Variants in AP3D1 observed in about 807,000 individuals in gnomAD.
AP3D1 encodes the protein AP-3 complex subunit delta-1.
In AP3D1, 51 loss-of-function variants were observed where a neutral mutation model predicts 147.6. The observed-to-expected ratio is 0.35, with a 90% CI of 0.28 to 0.44. The LOEUF is 0.44. AP3D1 is among the 20% of genes least tolerant of loss of function. The probability of loss-of-function intolerance (pLI) is 1.00; values close to 1 mark genes in which losing one functional copy is unlikely to be tolerated. For missense variants in AP3D1, 1,421 were observed against 1,624.2 expected, an observed-to-expected ratio of 0.87 and a Z score of 2.15; for synonymous variants, 760 against 663.0, an observed-to-expected ratio of 1.15 and a Z score of -2.25.
chr19:2,152,676 G>A (rs1280727777), upstream of AP3D1, among the ~76,000 whole-genome samples: 3 of 151,858 alleles, frequency 2.0e-5, no homozygotes, highest in African/African-American at 7.3e-5. Flanking sequence ...AGGAGTTCGA[G>A]ACTAGCCTGG....
In AP3D1 at chr19:2,113,571, C is replaced by CGATG. The variant is rs1394117823; in HGVS notation, c.2602-162_2602-159dup. Among the ~76,000 whole-genome samples the CGATG allele has an allele frequency of 2.0e-5, 3 of 152,172 alleles. No individual in the cohort carries two copies. In the East Asian group the frequency reaches 5.8e-4, roughly 29 times the overall value. On this transcript the variant is annotated intron_variant, in intron 22 of 31. Transcript: ENST00000643116. Reference sequence around the variant, plus strand: ...AGCCTGGGAATCCAGGAGCTGAAGGCGATGTCCTCAGCCAGCCCTGCTGGC... The same window carrying CGATG: ...AGCCTGGGAATCCAGGAGCTGAAGGCGATGGATGTCCTCAGCCAGCCCTGCTGGC...
At chr19:2,107,682 GTGAGCTGAGACTGCACCAC>G (rs987179266) in intron 31 of AP3D1, among the ~76,000 whole-genome samples, 1 of 151,428 alleles carries the variant, frequency 6.6e-6, no homozygotes, top group Non-Finnish European at 1.5e-5. Context: ...GGAGCTTGCA[GTGAGCTGAGACTGCACCAC>G]TGCACTCCAG....
At chr19:2,143,327 A>G (rs771253452) in intron 1 of AP3D1, among the ~76,000 whole-genome samples, 2 of 127,214 alleles carry the variant, frequency 1.6e-5, no homozygotes, top group East Asian at 2.4e-4. Flanking sequence ...TGCAAGCTCC[A>G]CCTCCTGGGT....
intron 31 of AP3D1, among the ~76,000 whole-genome samples, chr19:2,102,558 C>T (rs148415061): frequency 6.6e-6 from 1 of 151,914 alleles, no homozygotes; most frequent in Admixed American, 6.6e-5. Context: ...GAAACCCCGT[C>T]TCTACTAAAA....
chr19:2,149,405 G>A (rs2019446690), intron 1 of AP3D1, among the ~76,000 whole-genome samples: 2 of 152,062 alleles, frequency 1.3e-5, no homozygotes, highest in Admixed American at 1.3e-4. Context: ...TTAGCTGGGT[G>A]TGGTGGTGCA....
In AP3D1 at chr19:2,101,501, C is replaced by CGGGT. The variant is rs2017951421; in HGVS notation, c.*668_*671dup. On this transcript the variant is annotated 3_prime_UTR_variant, in exon 32 of 32. Transcript: ENST00000643116. ...GATGCACTTCTGCTGACCAGGAAGA[C>CGGGT]GGGTGGCAGAGAGGCCTCAACCCAC... 6.6e-6 allele frequency: 1 copy of CGGGT among 152,276 alleles called. No homozygotes were observed. The highest frequency in any genetic ancestry group is 2.4e-5 in the African/African-American group (1 of 41,444). 9.4% of individuals were successfully genotyped at this position (152,276 alleles called of 1,614,324 possible). A position where few individuals can be genotyped will look rare whatever the true frequency, so the allele number is the denominator to read the frequency against.
chr19:2,149,683 C>A (rs2019454477), intron 1 of AP3D1, among the ~76,000 whole-genome samples: 1 of 152,126 alleles, frequency 6.6e-6, no homozygotes, highest in African/African-American at 2.4e-5. Flanking sequence ...AGGCACATCC[C>A]CCTGAAAACC....
At chr19:2,125,936 CAGG>C (rs2018743345) in intron 9 of AP3D1, among the ~76,000 whole-genome samples, 1 of 151,844 alleles carries the variant, frequency 6.6e-6, no homozygotes, top group South Asian at 2.1e-4. Flanking sequence ...GGCTTGAGCC[CAGG>C]AGTTCAAGAA....
chr19:2,124,915 G>C (rs765187219), intron 9 of AP3D1, among the ~76,000 whole-genome samples: 39 of 152,124 alleles, frequency 2.6e-4, no homozygotes, highest in Non-Finnish European at 5.1e-4. Flanking sequence ...CTCCAGCCTG[G>C]GCAACAAGAG....
At chr19:2,112,673 T>G (rs983861998) in intron 24 of AP3D1, 187 bp downstream of exon 24, 4 of 555,360 alleles carry the variant, frequency 7.2e-6, no homozygotes, top group African/African-American at 1.9e-5. Flanking sequence ...ATGAACCATG[T>G]GTGAATAAGA....
rs1019376205 is a variant in AP3D1 at position 2,116,632 on chromosome 19, C to T, written c.1974G>A (p.Ser658=). 20 of 1,600,776 alleles carry T rather than the reference C, an allele frequency of 1.2e-5. No homozygotes were observed. Among genetic ancestry groups the T allele is most frequent in the African/African-American group, 6.7e-5 (5 of 74,646 alleles). ...EEQRRPKHRP[S]EADEEELARR... is the part of the protein sequence containing the mutation. Reference sequence around the variant, plus strand: ...GAGCCAGCTCTTCCTCGTCCGCCTCCGACGGCCGGTGCTTGGGACGCCGCT... The same window carrying T: ...GAGCCAGCTCTTCCTCGTCCGCCTCTGACGGCCGGTGCTTGGGACGCCGCT... The change falls in exon 17 of 32, where the codon TCG becomes TCA. Residue 658 remains serine (S), a synonymous_variant. Coordinates refer to ENST00000643116, the MANE Select transcript of AP3D1 (RefSeq NM_001261826.3).
chr19:2,109,468 G>T, intron 29 of AP3D1: 1 of 515,952 alleles, frequency 1.9e-6, no homozygotes. Flanking sequence ...CGACAAGGAC[G>T]GATGTCCTGT....
chr19:2,111,616 G>A (rs1246236868), intron 25 of AP3D1, 63 bp downstream of exon 25: 1 of 1,512,214 alleles, frequency 6.6e-7, no homozygotes, highest in East Asian at 2.4e-5. Flanking sequence ...TGCAGGAGTG[G>A]GGAGCAGCGC....
At position 2,116,240 on chromosome 19, in the gene AP3D1, G is replaced by C; in HGVS notation, c.2040C>G (p.Pro680=). The C allele has an allele frequency of 1.9e-6, 3 of 1,614,188 alleles. No individual in the cohort carries two copies. The South Asian group carries it at 3.3e-5, about 18-fold the overall frequency. The change falls in exon 18 of 32, where the codon CCC becomes CCG. Residue 680 remains proline (P), a synonymous_variant. Transcript: ENST00000643116. ...EARKQEQANN[P]FYIKSSPSPQ... is the part of the protein sequence containing the mutation. Reference sequence around the variant, plus strand: ...GCGATGGCGAGCTCTTGATGTAGAAGGGGTTGTTGGCCTGCTCCTGCTTCC... The same window carrying C: ...GCGATGGCGAGCTCTTGATGTAGAACGGGTTGTTGGCCTGCTCCTGCTTCC...
At chr19:2,157,102 C>T (rs949934099) in intron 1 of AP3D1, among the ~76,000 whole-genome samples, 2 of 151,088 alleles carry the variant, frequency 1.3e-5, no homozygotes, top group South Asian at 4.2e-4. Context: ...CACCCATCAT[C>T]CATCCATCCA....
intron 1 of AP3D1, among the ~76,000 whole-genome samples, chr19:2,156,571 C>T (rs1461964800): frequency 1.3e-5 from 2 of 151,796 alleles, no homozygotes; most frequent in African/African-American, 4.8e-5. Flanking sequence ...AAAAACAGGG[C>T]AGGGCGCGGT....
intron 24 of AP3D1, 75 bp from the exon 25 acceptor site, chr19:2,111,903 CA>C: frequency 6.3e-7 from 1 of 1,597,196 alleles, no homozygotes; most frequent in Non-Finnish European, 8.5e-7. Flanking sequence ...AGGTCAGGAT[CA>C]CAGCAGGGCT....
Position 2,117,207 on chromosome 19 carries a change from C to T in AP3D1, c.1859+15G>A, listed in dbSNP as rs770211237. On this transcript the variant is annotated intron_variant, in intron 16 of 31. Transcript: ENST00000643116. ...CAGGGCCATGGTTGCAATGCCCCCACCCCCGTATCCTTACCCTTCGGGGAC... is the reference window on the plus strand; with the variant it reads ...CAGGGCCATGGTTGCAATGCCCCCATCCCCGTATCCTTACCCTTCGGGGAC... 4 of 1,581,678 alleles carry T rather than the reference C, an allele frequency of 2.5e-6. No homozygotes were observed. Among genetic ancestry groups the T allele is most frequent in the African/African-American group, 2.7e-5 (2 of 73,662 alleles).
chr19:2,113,133 C>A, intron 23 of AP3D1, 166 bp from the exon 24 acceptor site: 2 of 629,418 alleles, frequency 3.2e-6, no homozygotes, highest in Non-Finnish European at 2.7e-6. Flanking sequence ...GAGGCCCTGG[C>A]TGTCCTCCCC....
Sources: allele counts gnomAD v4.1 joint callset (sites outside exome capture counted in the v4.1 genomes callset), GRCh38; gene constraint gnomAD v4.1.1; transcripts MANE v1.5; gene names NCBI Gene and HGNC (gene_info 2026-07-23, HGNC 2026-07-21).